The following TACC1 variants were observed in gnomAD, a reference collection of about 807,000 sequenced individuals.
The protein encoded by TACC1 is transforming acidic coiled-coil-containing protein 1.
TACC1 carries 48 observed loss-of-function variants against 84.4 expected under a neutral mutation model. That is an observed-to-expected ratio of 0.57 (90% CI 0.45 to 0.72). The LOEUF (loss-of-function observed/expected upper bound fraction) is 0.72. Ranked by LOEUF, TACC1 falls within the 30% of genes least tolerant of loss-of-function variation. The pLI, the probability that TACC1 is intolerant of heterozygous loss-of-function variation, is 0.00. For missense variants in TACC1, 920 were observed against 973.0 expected (o/e 0.95, Z 0.72); for synonymous variants, 372 against 376.3 (o/e 0.99, Z 0.13).
chr8:38,730,638 G>A (rs1162740175), intron 1 of TACC1, among the ~76,000 whole-genome samples: 2 of 152,220 alleles, frequency 1.3e-5, no homozygotes, highest in Non-Finnish European at 2.9e-5. Context: ...TGGTGAAGGT[G>A]GGGCTGGGGC....
chr8:38,757,407 C>G, intron 3 of TACC1: 1 of 1,247,014 alleles, frequency 8.0e-7, no homozygotes, highest in Non-Finnish European at 1.0e-6. Flanking sequence ...CCACGGAGAC[C>G]GCGTGAGTCC....
chr8:38,796,283 T>G (rs1819954302), intron 2 of TACC1, among the ~76,000 whole-genome samples: 1 of 152,186 alleles, frequency 6.6e-6, no homozygotes, highest in Non-Finnish European at 1.5e-5. Flanking sequence ...AGATTGCAGA[T>G]CCAGAGCTCT....
chr8:38,762,935 A>T (rs944075767), intron 3 of TACC1, among the ~76,000 whole-genome samples: 1 of 152,264 alleles, frequency 6.6e-6, no homozygotes, highest in African/African-American at 2.4e-5. Flanking sequence ...TTTGGAGTAT[A>T]AACCTAGGAG....
chr8:38,844,232 G>T (rs1044316042), intron 11 of TACC1, among the ~76,000 whole-genome samples: 30 of 152,082 alleles, frequency 2.0e-4, no homozygotes, highest in Non-Finnish European at 8.8e-5. Context: ...GAGTGGAGCG[G>T]TGCAATCTAG....
chr8:38,826,264 C>T (rs1828023994), intron 4 of TACC1, among the ~76,000 whole-genome samples: 1 of 151,994 alleles, frequency 6.6e-6, no homozygotes. Context: ...TAACATTCTC[C>T]CTCAGATTTT....
intron 3 of TACC1, among the ~76,000 whole-genome samples, chr8:38,782,002 T>G (rs1012157139): frequency 7.9e-5 from 12 of 151,422 alleles, no homozygotes; most frequent in African/African-American, 2.7e-4. Context: ...TTATTATTTT[T>G]TTTTGCAGAT....
At chr8:38,769,843 T>C (rs3739247) in intron 3 of TACC1, among the ~76,000 whole-genome samples, 84,228 of 147,032 alleles carry the variant, frequency 0.57, 23,967 homozygotes, top group South Asian at 0.7. Flanking sequence ...CTGTATGGGT[T>C]AGGGGTGTGG....
intron 2 of TACC1, among the ~76,000 whole-genome samples, chr8:38,803,200 A>T (rs1252593687): frequency 6.6e-6 from 1 of 152,200 alleles, no homozygotes; most frequent in African/African-American, 2.4e-5. Context: ...TATATGAAAG[A>T]TTATGTCATC....
intron 2 of TACC1, among the ~76,000 whole-genome samples, chr8:38,791,025 T>C (rs1818521184): frequency 2.0e-5 from 3 of 152,224 alleles, no homozygotes; most frequent in Admixed American, 6.5e-5. Context: ...TGGTGGCCTT[T>C]CCATCAAATT....
chr8:38,757,465 G>T (rs1037862630), intron 3 of TACC1: 4 of 1,107,360 alleles, frequency 3.6e-6, no homozygotes, highest in Non-Finnish European at 4.5e-6. Context: ...TGCCAGCCCG[G>T]GATGGAGCGC....
At chr8:38,838,389 C>G in intron 7 of TACC1, 81 bp from the exon 8 acceptor site, 1 of 932,480 alleles carries the variant, frequency 1.1e-6, no homozygotes, top group East Asian at 2.4e-5. Flanking sequence ...TGGGTTAGAC[C>G]TGGTTGTGTG....
chr8:38,772,433 C>T (rs189345649), intron 3 of TACC1, among the ~76,000 whole-genome samples: 4 of 152,316 alleles, frequency 2.6e-5, no homozygotes, highest in Admixed American at 1.3e-4. Flanking sequence ...TTGCTCATCA[C>T]GGTTTCATTT....
At chr8:38,821,696 G>T (rs1826853450) in intron 3 of TACC1, among the ~76,000 whole-genome samples, 1 of 152,150 alleles carries the variant, frequency 6.6e-6, no homozygotes, top group Non-Finnish European at 1.5e-5. Flanking sequence ...TCAAGTTTCA[G>T]TTTAACTTTG....
In TACC1 at chr8:38,757,454, G is replaced by A. The variant is rs555151745; in HGVS notation, c.26+11961G>A. On this transcript the variant is annotated intron_variant, in intron 3 of 14. Coordinates refer to the TACC1 transcript ENST00000518415. ...CCAAGGGCCGCCTTTGGGGGTTTGC[G>A]TGCCAGCCCGGGATGGAGCGCGCTG... 2.2e-3 allele frequency: 2,415 copies of A among 1,121,676 alleles called. 4 individuals are homozygous for A. The highest frequency in any genetic ancestry group is 2.5e-3 in the Non-Finnish European group (2,212 of 902,112). The allele number at this position is 1,121,676 out of a possible 1,614,324, so 69.5% of individuals were successfully genotyped here.
chr8:38,813,419 G>C (rs565129435), intron 2 of TACC1, among the ~76,000 whole-genome samples: 6 of 152,258 alleles, frequency 3.9e-5, no homozygotes, highest in African/African-American at 9.6e-5. Context: ...CTGATGTCTT[G>C]GTTCAATAAG....
At chr8:38,824,305 G>A (rs1202040086) in intron 3 of TACC1, among the ~76,000 whole-genome samples, 2 of 152,124 alleles carry the variant, frequency 1.3e-5, no homozygotes, top group Non-Finnish European at 2.9e-5. Flanking sequence ...AGCTGGCTTG[G>A]CCCCAAGATC....
At chr8:38,780,913 C>T (rs1422718097) in intron 3 of TACC1, among the ~76,000 whole-genome samples, 1 of 152,124 alleles carries the variant, frequency 6.6e-6, no homozygotes, top group East Asian at 1.9e-4. Context: ...CTTATTTTCC[C>T]ATCTTTTTAT....
At chr8:38,800,570 T>C (rs1378420548) in intron 2 of TACC1, among the ~76,000 whole-genome samples, 3 of 152,236 alleles carry the variant, frequency 2.0e-5, no homozygotes, top group Non-Finnish European at 4.4e-5. Context: ...GGTTCAGCTA[T>C]GTTGTAGCAA....
chr8:38,831,130 G>C lies in TACC1; in HGVS notation c.1666G>C (p.Glu556Gln). The C allele has an allele frequency of 6.2e-7, 1 of 1,614,198 alleles. No individual in the cohort carries two copies. Among genetic ancestry groups the C allele is most frequent in the East Asian group, 2.2e-5 (1 of 44,888 alleles). ...HAFSSSEAGI[E>Q]KETCQKMEED... ...AAAATGACTTTCTGTCTTAGGCATA[G>C]AGAAGGAGACGTGCCAGAAGATGGA... is the stretch of plus-strand genomic sequence containing the variant. Residue 556 changes from glutamate to glutamine, a missense_variant, in exon 6 of 13, where the codon GAG becomes CAG. Around this residue, in one of 2 missense-constraint regions of TACC1, gnomAD observed 762 missense variants for 747.3 expected, o/e 1.02. Transcript: ENST00000317827.
Sources: gnomAD v4.1 joint callset for allele counts (sites outside exome capture counted in the v4.1 genomes callset) on GRCh38, gnomAD v4.1.1 for gene constraint, gnomAD v4.1.1 regional missense constraint, MANE v1.5 for transcripts, NCBI Gene and HGNC (gene_info 2026-07-23, HGNC 2026-07-21) for gene names.